Variants in TTC3 observed in about 807,000 individuals in gnomAD.
TTC3 encodes E3 ubiquitin-protein ligase TTC3.
TTC3 carries 180 observed loss-of-function variants against 249.6 expected under a neutral mutation model. That is an observed-to-expected ratio of 0.72 (90% CI 0.64 to 0.82). The LOEUF (loss-of-function observed/expected upper bound fraction) is 0.82. TTC3 is among the 40% of genes least tolerant of loss of function. TTC3 has a pLI of 0.00. For synonymous variants in TTC3, 717 were observed against 805.0 expected, an observed-to-expected ratio of 0.89 and a Z score of 1.85; for missense variants, 2,061 against 2,398.4, an observed-to-expected ratio of 0.86 and a Z score of 2.94.
chr21:37,087,120 T>C (rs1008475564), intron 1 of TTC3, 127 bp from the exon 2 acceptor site: 1 of 998,092 alleles, frequency 1.0e-6, no homozygotes, highest in African/African-American at 1.6e-5. Flanking sequence ...CTCAGTGTTC[T>C]GATAGGAGTT....
intron 4 of TTC3, 132 bp from the exon 5 acceptor site, chr21:37,088,665 TTA>T: frequency 1.3e-6 from 1 of 787,698 alleles, no homozygotes; most frequent in South Asian, 1.9e-5. Flanking sequence ...AATAAATAGC[TTA>T]GTTATTGTTA....
exon 1 of TTC3, chr21:37,073,334 C>G (rs945132724): frequency 1.7e-6 from 1 of 590,414 alleles, no homozygotes; most frequent in Non-Finnish European, 2.1e-6. Flanking sequence ...TGCTGCTGCC[C>G]GCGTCCGAGG....
At chr21:37,159,868 C>A in intron 29 of TTC3, 123 bp downstream of exon 29, 1 of 864,448 alleles carries the variant, frequency 1.2e-6, no homozygotes, top group Non-Finnish European at 1.8e-6. Flanking sequence ...ATTAAAAGGA[C>A]GTCTGGGTAG....
chr21:37,139,115 T>A (rs2078205575), intron 19 of TTC3, among the ~76,000 whole-genome samples: 1 of 152,144 alleles, frequency 6.6e-6, no homozygotes, highest in Admixed American at 6.5e-5. Context: ...AAATATGGAT[T>A]ATGTTTATAT....
At chr21:37,171,739 A>G (rs2081815276) in intron 34 of TTC3, among the ~76,000 whole-genome samples, 2 of 152,252 alleles carry the variant, frequency 1.3e-5, no homozygotes, top group Admixed American at 6.5e-5. Context: ...GCATGCTCCA[A>G]GGCAAAAGGG....
chr21:37,115,482 T>TA (rs1259923102), intron 11 of TTC3, among the ~76,000 whole-genome samples: 1 of 152,194 alleles, frequency 6.6e-6, no homozygotes, highest in Non-Finnish European at 1.5e-5. Flanking sequence ...ACTCCACAGT[T>TA]ACTTGATTCT....
chr21:37,192,315 G>A (rs902519060), intron 41 of TTC3, 102 bp downstream of exon 41: 92 of 701,610 alleles, frequency 1.3e-4, no homozygotes, highest in Non-Finnish European at 2.0e-4. Flanking sequence ...GGATGAGATT[G>A]GTTAATAATT....
chr21:37,202,945 A>G (rs1272293579), exon 46 of TTC3: 2 of 152,310 alleles, frequency 1.3e-5, no homozygotes, highest in Admixed American at 6.5e-5. Context: ...ATTGAGCGCT[A>G]TGGGTGTTAA....
intron 39 of TTC3, among the ~76,000 whole-genome samples, chr21:37,189,555 T>C (rs1602115660): frequency 6.7e-6 from 1 of 150,128 alleles, no homozygotes; most frequent in East Asian, 2.0e-4. Context: ...TGTTCTTGTT[T>C]GTTTGTTTTT....
At chr21:37,107,228 G>A (rs193088699) in intron 10 of TTC3, among the ~76,000 whole-genome samples, 4 of 152,068 alleles carry the variant, frequency 2.6e-5, no homozygotes, top group Admixed American at 6.6e-5. Context: ...ATTAATCTAC[G>A]TTGAAAAAAG....
In TTC3 at chr21:37,168,221, C is replaced by G. The variant is rs1248036327; in HGVS notation, c.4467+601C>G. On this transcript the variant is annotated intron_variant, in intron 34 of 45. Transcript: ENST00000355666. ...TTCTCAACATGCTAATATTTTAAGCCAAAAGCCATCATCTTGCTTAATGGT... is the reference window on the plus strand; with the variant it reads ...TTCTCAACATGCTAATATTTTAAGCGAAAAGCCATCATCTTGCTTAATGGT... 2.0e-5 allele frequency among the ~76,000 whole-genome samples: 3 copies of G among 152,002 alleles called. No homozygotes were observed. The East Asian group carries it at 5.8e-4, about 29-fold the overall frequency.
chr21:37,155,928 A>T (rs781071401), intron 27 of TTC3, among the ~76,000 whole-genome samples: 1 of 152,208 alleles, frequency 6.6e-6, no homozygotes, highest in Non-Finnish European at 1.5e-5. Context: ...AAGATTCTGC[A>T]TATTGTTGAT....
intron 27 of TTC3, among the ~76,000 whole-genome samples, 189 bp from the exon 28 acceptor site, chr21:37,156,466 C>T (rs2080096826): frequency 6.6e-6 from 1 of 152,166 alleles, no homozygotes; most frequent in African/African-American, 2.4e-5. Flanking sequence ...TTATAATTAG[C>T]CTAACAATGT....
At chr21:37,077,696 A>T (rs954851615) in intron 1 of TTC3, among the ~76,000 whole-genome samples, 1 of 152,200 alleles carries the variant, frequency 6.6e-6, no homozygotes, top group Non-Finnish European at 1.5e-5. Flanking sequence ...GAGATTGAGC[A>T]TCTTTTGTAT....
chr21:37,132,678 T>C lies in TTC3; in HGVS notation c.1359-4T>C. On this transcript the variant is annotated splice_region_variant and splice_polypyrimidine_tract_variant and intron_variant, in intron 16 of 45. Transcript: ENST00000355666. ...GATTTTTAAAAATGCTTTTTTTCTT[T>C]TAGTTCTAGTTCACCATTGACTTTA... 1 of 1,581,296 alleles carries C rather than the reference T, an allele frequency of 6.3e-7. No individual in the cohort carries two copies. The highest frequency in any genetic ancestry group is 1.2e-5 in the South Asian group (1 of 84,028).
At chr21:37,112,471 C>T (rs1173400944) in intron 11 of TTC3, among the ~76,000 whole-genome samples, 1 of 152,220 alleles carries the variant, frequency 6.6e-6, no homozygotes, top group Admixed American at 6.5e-5. Flanking sequence ...GACACATACA[C>T]TCTCCCAAGA....
chr21:37,140,740 A>T, intron 20 of TTC3, 67 bp downstream of exon 20: 1 of 1,095,200 alleles, frequency 9.1e-7, no homozygotes, highest in Non-Finnish European at 1.3e-6. Flanking sequence ...TGTGATAATG[A>T]TCCATTTTCT....
intron 21 of TTC3, among the ~76,000 whole-genome samples, chr21:37,146,046 G>A (rs929472176): frequency 6.6e-6 from 1 of 152,180 alleles, no homozygotes; most frequent in Admixed American, 6.5e-5. Flanking sequence ...AGGAAAACAT[G>A]TTCTCACAAA....
Position 37,109,466 on chromosome 21 carries a change from A to G in TTC3, c.900+1020A>G, listed in dbSNP as rs569318055. Among the ~76,000 whole-genome samples the G allele has an allele frequency of 3.2e-3, 483 of 152,318 alleles. 1 individual carries two copies. Among genetic ancestry groups the G allele is most frequent in the Non-Finnish European group, 5.0e-3 (342 of 68,026 alleles). On this transcript the variant is annotated intron_variant, in intron 11 of 45. Coordinates refer to ENST00000355666, the Ensembl canonical transcript of TTC3. ...CGCCCATGGAGCCTCGCTCATTGCT[A>G]GCACAGCAGTCTGAGATCAAACTGC...
Sources: allele counts gnomAD v4.1 joint callset (sites outside exome capture counted in the v4.1 genomes callset), GRCh38; gene constraint gnomAD v4.1.1; transcripts MANE v1.5; gene names NCBI Gene and HGNC (gene_info 2026-07-23, HGNC 2026-07-21).